CEP135: variants seen among roughly 807,000 people sequenced by gnomAD.
CEP135 encodes the protein centrosomal protein 135, also known as centrosomal protein of 135 kDa.
In CEP135, 142 loss-of-function variants were observed where a neutral mutation model predicts 157.3. The ratio of observed to expected loss-of-function variants is 0.90; its 90% CI spans 0.79 to 1.04. The LOEUF (loss-of-function observed/expected upper bound fraction) is 1.04, where lower values mean the gene tolerates loss of function less well. Ranked by LOEUF, CEP135 falls within the 50% of genes least tolerant of loss-of-function variation. The pLI, the probability that CEP135 is intolerant of heterozygous loss-of-function variation, is 0.00. For synonymous variants in CEP135, 396 were observed against 439.8 expected, an observed-to-expected ratio of 0.90 and a Z score of 1.25; for missense variants, 1,317 against 1,309.2, an observed-to-expected ratio of 1.01 and a Z score of -0.09.
chr4:55,951,002 A>G (rs1342432420), intron 1 of CEP135, among the ~76,000 whole-genome samples: 1 of 152,168 alleles, frequency 6.6e-6, no homozygotes, highest in South Asian at 2.1e-4. Flanking sequence ...TTGTTCATCA[A>G]CTTCATGTAA....
At chr4:56,003,226 C>T (rs1224814724) in intron 17 of CEP135, among the ~76,000 whole-genome samples, 2 of 151,768 alleles carry the variant, frequency 1.3e-5, no homozygotes, top group Admixed American at 6.6e-5. Context: ...CTCGCTTTGT[C>T]GCTCAGGGTG....
intron 8 of CEP135, among the ~76,000 whole-genome samples, chr4:55,968,032 A>C (rs1045539238): frequency 7.9e-5 from 12 of 152,228 alleles, no homozygotes; most frequent in African/African-American, 2.7e-4. Context: ...CATTCCGCAG[A>C]AACCAGAACT....
rs1285562299 is a variant in CEP135 at position 56,032,657 on chromosome 4, TTGGGTG to T, written c.*1311_*1316del. 1 of 152,114 alleles carries T rather than the reference TTGGGTG, an allele frequency of 6.6e-6. No individual in the cohort carries two copies. The highest frequency in any genetic ancestry group is 6.6e-5 in the Admixed American group (1 of 15,260). 9.4% of individuals were successfully genotyped at this position (152,114 alleles called of 1,614,324 possible). On this transcript the variant is annotated 3_prime_UTR_variant, in exon 26 of 26. Transcript: ENST00000257287. ...TTTCAAAGTTGTAATTTTAAAGAAT[TTGGGTG>T]TATACCTATGTTAATGAAACAACAG...
intron 6 of CEP135, 122 bp from the exon 7 acceptor site, chr4:55,964,152 G>A: frequency 1.2e-6 from 1 of 851,978 alleles, no homozygotes; most frequent in East Asian, 2.6e-5. Context: ...ACACAAATAT[G>A]AATGTTAATC....
chr4:55,979,183 T>G (rs1729320073), intron 11 of CEP135, among the ~76,000 whole-genome samples: 1 of 152,192 alleles, frequency 6.6e-6, no homozygotes, highest in Non-Finnish European at 1.5e-5. Flanking sequence ...ACTTCTGCAT[T>G]TAGTGCTTGT....
chr4:55,959,688 A>C lies in CEP135; in HGVS notation c.621A>C (p.Gln207His), dbSNP rs1016339697. Residue 207 changes from glutamine (Q) to histidine (H), a missense_variant, in exon 6 of 26, where the codon CAA becomes CAC. By Grantham distance (24) the Gln-to-His change is conservative (BLOSUM62 0). Transcript: ENST00000257287. ...AATTTAAAGTGCTTTTCAGGATTCA[A>C]GAACTTCAACAGGAAGTCCACCAGC... ...DLLQVADNRI[Q>H]ELQQEVHQLQ... The C allele has an allele frequency of 1.2e-5, 19 of 1,613,788 alleles. No individual in the cohort carries two copies. Among genetic ancestry groups the C allele is most frequent in the Non-Finnish European group, 1.6e-5 (19 of 1,179,824 alleles).
rs1299226382 is a variant in CEP135 at position 56,031,403 on chromosome 4, C to T, written c.*55C>T. ...GTTCCTATGTGGATTTTTAAAAGAA[C>T]AGAACAGTAATGAAATATTTGAAGT... On this transcript the variant is annotated 3_prime_UTR_variant, in exon 26 of 26. Coordinates refer to ENST00000257287, the MANE Select transcript of CEP135 (RefSeq NM_025009.5). 1 of 152,416 alleles carries T rather than the reference C, an allele frequency of 6.6e-6. No homozygotes were observed. The highest frequency in any genetic ancestry group is 2.4e-5 in the African/African-American group (1 of 41,406). The allele number at this position is 152,416 out of a possible 1,614,324, so 9.4% of individuals were successfully genotyped here.
chr4:56,007,827 G>A (rs543972846), intron 17 of CEP135, among the ~76,000 whole-genome samples: 10 of 152,264 alleles, frequency 6.6e-5, no homozygotes, highest in African/African-American at 2.4e-4. Flanking sequence ...TGTGGCCCAG[G>A]AACTGACTCG....
At position 55,999,500 on chromosome 4, in the gene CEP135, A is replaced by C. The variant is rs1363373559; in HGVS notation, c.2135A>C (p.Asn712Thr). The C allele has an allele frequency of 6.2e-7, 1 of 1,611,588 alleles. No homozygotes were observed. Among genetic ancestry groups the C allele is most frequent in the African/African-American group, 1.3e-5 (1 of 74,660 alleles). The change falls in exon 17 of 26, where the codon AAC (asparagine) becomes ACC (threonine). Residue 712 changes from asparagine (N) to threonine (T), a missense_variant. Transcript: ENST00000257287. ...KILEEKIDELNLKMTSQDEEA... is the reference protein window; with the variant it reads ...KILEEKIDELTLKMTSQDEEA... Reference sequence around the variant, plus strand: ...TTCTTTTCATTTGTAGATGAACTAAACCTTAAGATGACTTCACAGGATGAG... The same window carrying C: ...TTCTTTTCATTTGTAGATGAACTAACCCTTAAGATGACTTCACAGGATGAG...
At chr4:56,004,306 GA>G (rs1185302246) in intron 17 of CEP135, among the ~76,000 whole-genome samples, 1 of 152,140 alleles carries the variant, frequency 6.6e-6, no homozygotes, top group African/African-American at 2.4e-5. Flanking sequence ...TGAATGTGTT[GA>G]AACTTGTTTT....
Position 56,024,630 on chromosome 4 carries a change from C to T in CEP135, c.*11+16C>T. The stretch of plus-strand genomic sequence containing the variant: ...TATCAGAAAGGTATGTATGTAACAC[C>T]AAGGACAGGCAAAACTAATCTGTGG... On this transcript the variant is annotated intron_variant, in intron 25 of 25. Coordinates refer to ENST00000257287, the MANE Select transcript of CEP135 (RefSeq NM_025009.5). 4 of 1,481,032 alleles carry T rather than the reference C, an allele frequency of 2.7e-6. No homozygotes were observed. Among genetic ancestry groups the T allele is most frequent in the Non-Finnish European group, 3.8e-6 (4 of 1,061,512 alleles). 91.7% of individuals were successfully genotyped at this position (1,481,032 alleles called of 1,614,324 possible).
intron 15 of CEP135, among the ~76,000 whole-genome samples, chr4:55,998,804 G>A (rs1377977584): frequency 6.6e-6 from 1 of 152,190 alleles, no homozygotes; most frequent in Admixed American, 6.5e-5. Context: ...GGCGGAGGTT[G>A]CAGTGAGCTG....
intron 10 of CEP135, among the ~76,000 whole-genome samples, chr4:55,973,297 C>A (rs1215655334): frequency 6.6e-6 from 1 of 152,212 alleles, no homozygotes; most frequent in Non-Finnish European, 1.5e-5. Context: ...GGAAATCTTA[C>A]ACTGTTCTCT....
chr4:56,008,434 A>T (rs559752707), intron 18 of CEP135, 52 bp downstream of exon 18: 1 of 1,406,170 alleles, frequency 7.1e-7, no homozygotes, highest in South Asian at 1.2e-5. Context: ...TTCAGTGAAT[A>T]CAGCTTTATC....
chr4:56,016,577 G>A (rs562315012), intron 21 of CEP135, among the ~76,000 whole-genome samples: 1 of 152,196 alleles, frequency 6.6e-6, no homozygotes, highest in South Asian at 2.1e-4. Context: ...TTGTTTAGGG[G>A]AGCTTTTATT....
At chr4:55,954,087 A>G (rs1728438144) in intron 3 of CEP135, 129 bp from the exon 4 acceptor site, 1 of 712,922 alleles carries the variant, frequency 1.4e-6, no homozygotes, top group East Asian at 2.9e-5. Context: ...AATAAGTGTC[A>G]ACTAAAGCAT....
intron 11 of CEP135, among the ~76,000 whole-genome samples, chr4:55,976,740 G>T (rs1036945775): frequency 6.6e-6 from 1 of 152,036 alleles, no homozygotes; most frequent in Non-Finnish European, 1.5e-5. Context: ...TGAATGAAAT[G>T]GGTGGGGTAT....
rs189333237 is a variant in CEP135 at position 56,011,186 on chromosome 4, G to T, written c.2506-226G>T. 8.5e-5 allele frequency among the ~76,000 whole-genome samples: 13 copies of T among 152,284 alleles called. No individual in the cohort carries two copies. The East Asian group carries it at 2.3e-3, about 27-fold the overall frequency. ...GAAGGTCGAGGCTGCAGTGAGCTGT[G>T]ATCACGCCATTGCACTTCAGTCTGG... On this transcript the variant is annotated intron_variant, in intron 19 of 25. Transcript: ENST00000257287.
rs374351793 is a variant in CEP135 at position 55,988,753 on chromosome 4, C to T, written c.1858-3181C>T. 5.8e-4 allele frequency among the ~76,000 whole-genome samples: 86 copies of T among 149,466 alleles called. 2 individuals are homozygous for T. In the East Asian group the frequency reaches 9.3e-3, roughly 16 times the overall value. On this transcript the variant is annotated intron_variant, in intron 14 of 25. Coordinates refer to ENST00000257287, the MANE Select transcript of CEP135 (RefSeq NM_025009.5). ...CAGGCGAATCATGAGGTCAGGAGAT[C>T]GAGACCATCCTGGCTAACACGGTGA...
Sources: allele counts gnomAD v4.1 joint callset (sites outside exome capture counted in the v4.1 genomes callset), GRCh38; gene constraint gnomAD v4.1.1; transcripts MANE v1.5; gene names NCBI Gene and HGNC (gene_info 2026-07-23, HGNC 2026-07-21).